The following IGBP1C variants were observed in gnomAD, a reference collection of about 807,000 sequenced individuals.
The protein encoded by IGBP1C is IGBP1 family member C.
chr17:58,676,028 T>A, the IGBP1C span, among the ~76,000 whole-genome samples: 1 of 152,054 alleles, frequency 6.6e-6, no homozygotes, highest in African/African-American at 2.4e-5. Context: ...TCACCTGAAG[T>A]CACGAGTTCG....
At chr17:58,678,252 T>G in the IGBP1C span, among the ~76,000 whole-genome samples, 13,943 of 152,250 alleles carry the variant, frequency 0.092, 934 homozygotes, top group East Asian at 0.31. Context: ...GGAAGGACAC[T>G]GGAAGACAGT....
At chr17:58,672,818 G>A in the IGBP1C span, among the ~76,000 whole-genome samples, 3 of 150,868 alleles carry the variant, frequency 2.0e-5, no homozygotes, top group Non-Finnish European at 3.0e-5. Flanking sequence ...TGCAACCTTT[G>A]CCTCCTGGGT....
At chr17:58,691,540 G>A in the IGBP1C span, among the ~76,000 whole-genome samples, 1 of 151,602 alleles carries the variant, frequency 6.6e-6, no homozygotes, top group Non-Finnish European at 1.5e-5. Context: ...GGTGGCGTGC[G>A]CCTGTAATCC....
At chr17:58,683,266 C>T in the IGBP1C span, among the ~76,000 whole-genome samples, 3 of 150,420 alleles carry the variant, frequency 2.0e-5, no homozygotes, top group Admixed American at 1.3e-4. Context: ...CCAGCTACTC[C>T]GGAGGCTGAG....
the IGBP1C span, among the ~76,000 whole-genome samples, chr17:58,668,931 C>T: frequency 6.6e-6 from 1 of 151,936 alleles, no homozygotes; most frequent in Non-Finnish European, 1.5e-5. Flanking sequence ...TCATTTGTTC[C>T]GGGTATATAT....
the IGBP1C span, chr17:58,666,458 C>CAAACAAAAAAAAAA: frequency 8.1e-5 from 3 of 36,810 alleles, no homozygotes; most frequent in Admixed American, 5.2e-4. Context: ...CCTTCCACGG[C>CAAACAAAAAAAAAA]AAAAAAAAAA....
At chr17:58,678,594 T>C in the IGBP1C span, among the ~76,000 whole-genome samples, 1 of 152,160 alleles carries the variant, frequency 6.6e-6, no homozygotes, top group South Asian at 2.1e-4. Context: ...AAACACCGTA[T>C]GTTCTCACTC....
chr17:58,677,681 C>T, the IGBP1C span: 5 of 151,698 alleles, frequency 3.3e-5, no homozygotes, highest in African/African-American at 1.2e-4. Flanking sequence ...AATGAGTGAA[C>T]CTTGCCCTGG....
the IGBP1C span, among the ~76,000 whole-genome samples, chr17:58,687,942 C>T: frequency 6.6e-6 from 1 of 152,134 alleles, no homozygotes; most frequent in Non-Finnish European, 1.5e-5. Flanking sequence ...CTTGTTTACC[C>T]TGTCATCTGG....
At chr17:58,676,266 C>T in the IGBP1C span, among the ~76,000 whole-genome samples, 1 of 152,034 alleles carries the variant, frequency 6.6e-6, no homozygotes, top group African/African-American at 2.4e-5. Flanking sequence ...ATCCCAGCTA[C>T]TCAGGAGGTT....
the IGBP1C span, among the ~76,000 whole-genome samples, chr17:58,680,559 T>C: frequency 6.6e-6 from 1 of 152,014 alleles, no homozygotes; most frequent in African/African-American, 2.4e-5. Flanking sequence ...CTGGCCAACA[T>C]GGTAAAACCC....
At chr17:58,669,424 G>A in the IGBP1C span, among the ~76,000 whole-genome samples, 3 of 151,710 alleles carry the variant, frequency 2.0e-5, no homozygotes, top group Non-Finnish European at 4.4e-5. Flanking sequence ...GTCACCAGAC[G>A]ATGGCTAAAG....
chr17:58,662,742 A>T, the IGBP1C span, among the ~76,000 whole-genome samples: 1 of 152,202 alleles, frequency 6.6e-6, no homozygotes, highest in Non-Finnish European at 1.5e-5. Context: ...ATGCTCAGAA[A>T]TATGAGAGTG....
the IGBP1C span, among the ~76,000 whole-genome samples, chr17:58,674,406 A>G: frequency 6.6e-6 from 1 of 152,062 alleles, no homozygotes; most frequent in Admixed American, 6.6e-5. Flanking sequence ...GCAGTGGCTC[A>G]CGCCTGTAAT....
At chr17:58,674,563 G>T in the IGBP1C span, among the ~76,000 whole-genome samples, 78 of 151,280 alleles carry the variant, frequency 5.2e-4, no homozygotes, top group Non-Finnish European at 9.7e-4. Context: ...CCAGCTACTC[G>T]AGACGGAGAG....
the IGBP1C span, among the ~76,000 whole-genome samples, chr17:58,672,186 G>A: frequency 6.6e-6 from 1 of 152,102 alleles, no homozygotes; most frequent in Non-Finnish European, 1.5e-5. Context: ...AACAGGAGGA[G>A]GTGCTCAGGC....
the IGBP1C span, among the ~76,000 whole-genome samples, chr17:58,679,234 A>T: frequency 1.1e-4 from 16 of 152,286 alleles, no homozygotes; most frequent in East Asian, 2.5e-3. Context: ...AAGATGCTAA[A>T]TTGTTAGCTT....
At chr17:58,684,562 G>T in the IGBP1C span, among the ~76,000 whole-genome samples, 1 of 151,878 alleles carries the variant, frequency 6.6e-6, no homozygotes, top group Non-Finnish European at 1.5e-5. Flanking sequence ...TTGAACCAGG[G>T]AGGCAGTGGT....
chr17:58,667,365 T>G, the IGBP1C span, among the ~76,000 whole-genome samples: 1 of 152,332 alleles, frequency 6.6e-6, no homozygotes, highest in Non-Finnish European at 1.5e-5. Context: ...GGAGGAGTTT[T>G]TGTGAAGACT....
Sources: gnomAD v4.1 joint callset for allele counts (sites outside exome capture counted in the v4.1 genomes callset) on GRCh38, gnomAD v4.1.1 for gene constraint, MANE v1.5 for transcripts, NCBI Gene and HGNC (gene_info 2026-07-23, HGNC 2026-07-21) for gene names.